MAGI2: variants seen among roughly 807,000 people sequenced by gnomAD.
MAGI2 encodes the protein membrane associated guanylate kinase, WW and PDZ domain containing 2, also known as membrane-associated guanylate kinase, WW and PDZ domain-containing protein 2.
In MAGI2, 35 loss-of-function variants were observed where a neutral mutation model predicts 133.3. The ratio of observed to expected loss-of-function variants is 0.26; its 90% CI spans 0.20 to 0.35. The LOEUF (loss-of-function observed/expected upper bound fraction) is 0.35. MAGI2 is among the 10% of genes least tolerant of loss of function. The pLI, the probability that MAGI2 is intolerant of heterozygous loss-of-function variation, is 1.00. For missense variants in MAGI2, 1,636 were observed against 1,863.4 expected (o/e 0.88, Z 2.25); for synonymous variants, 729 against 710.6 (o/e 1.03, Z -0.41).
intron 9 of MAGI2, among the ~76,000 whole-genome samples, chr7:78,332,685 G>A (rs1300474871): frequency 1.5e-5 from 2 of 131,320 alleles, no homozygotes; most frequent in African/African-American, 2.9e-5. Flanking sequence ...GTGACAGAGC[G>A]AGACTCCGTC....
chr7:78,609,774 G>A (rs952986707), intron 3 of MAGI2, among the ~76,000 whole-genome samples: 1 of 152,108 alleles, frequency 6.6e-6, no homozygotes, highest in East Asian at 1.9e-4. Flanking sequence ...TGGATCTCCT[G>A]TATTCCATGC....
At chr7:78,083,257 A>G (rs1243557236) in intron 20 of MAGI2, among the ~76,000 whole-genome samples, 3 of 151,164 alleles carry the variant, frequency 2.0e-5, no homozygotes, top group Non-Finnish European at 4.4e-5. Flanking sequence ...CAACTGAGCT[A>G]TGTTACTAAA....
intron 1 of MAGI2, among the ~76,000 whole-genome samples, chr7:79,169,570 C>A (rs1261766402): frequency 6.6e-6 from 1 of 152,078 alleles, no homozygotes; most frequent in Non-Finnish European, 1.5e-5. Context: ...GCCACCAGGG[C>A]AGGCTCAGCT....
At chr7:78,125,927 T>C in intron 19 of MAGI2, 90 bp from the exon 20 acceptor site, 2 of 1,262,106 alleles carry the variant, frequency 1.6e-6, no homozygotes, top group Non-Finnish European at 2.2e-6. Flanking sequence ...TTCTGTCTCT[T>C]AGTTAATGTA....
chr7:79,272,443 C>T (rs1309809566), intron 1 of MAGI2, among the ~76,000 whole-genome samples: 5 of 152,046 alleles, frequency 3.3e-5, no homozygotes, highest in Non-Finnish European at 5.9e-5. Flanking sequence ...ATTACTAGAA[C>T]GCTTAGCATA....
At chr7:78,434,312 A>G (rs1800073998) in intron 6 of MAGI2, among the ~76,000 whole-genome samples, 1 of 152,232 alleles carries the variant, frequency 6.6e-6, no homozygotes, top group Non-Finnish European at 1.5e-5. Flanking sequence ...GAGGAAAAAT[A>G]GAACCATATA....
At chr7:78,915,614 T>C (rs935202743) in intron 2 of MAGI2, among the ~76,000 whole-genome samples, 2 of 152,190 alleles carry the variant, frequency 1.3e-5, no homozygotes, top group African/African-American at 4.8e-5. Context: ...TATAATAATT[T>C]ACTCTCTAAA....
At chr7:79,280,780 C>T (rs1835575792) in intron 1 of MAGI2, among the ~76,000 whole-genome samples, 1 of 151,440 alleles carries the variant, frequency 6.6e-6, no homozygotes, top group South Asian at 2.1e-4. Context: ...ACAAACATAG[C>T]CAGGCATGGT....
rs145841722 is a variant in MAGI2 at position 78,410,132 on chromosome 7, ACAT to A, written c.1046-40922_1046-40920del. Among the ~76,000 whole-genome samples the A allele has an allele frequency of 2.6e-5, 4 of 152,166 alleles. No individual in the cohort carries two copies. The East Asian group carries it at 7.8e-4, about 30-fold the overall frequency. ...ATGGGTGCTTCCACTTTGTGCTCTC[ACAT>A]CATGTTGCTTCCACCATTTGAAAAC... On this transcript the variant is annotated intron_variant, in intron 6 of 21. Coordinates refer to ENST00000354212, the MANE Select transcript of MAGI2 (RefSeq NM_012301.4).
intron 1 of MAGI2, among the ~76,000 whole-genome samples, chr7:79,259,662 G>A (rs1833941996): frequency 6.6e-6 from 1 of 152,146 alleles, no homozygotes; most frequent in African/African-American, 2.4e-5. Flanking sequence ...TAAATTTGGG[G>A]AAGATGCTAA....
intron 3 of MAGI2, chr7:78,583,552 T>C (rs529744397): frequency 6.6e-6 from 1 of 151,988 alleles, no homozygotes; most frequent in Non-Finnish European, 1.5e-5. Context: ...ATATATGTTT[T>C]AGAAGTGAAT....
intron 10 of MAGI2, among the ~76,000 whole-genome samples, chr7:78,203,564 G>T (rs1039357430): frequency 1.3e-5 from 2 of 152,164 alleles, no homozygotes. Context: ...TACTGCTCAC[G>T]TGATGGCAGT....
chr7:78,290,931 A>G (rs1052866641), intron 9 of MAGI2, among the ~76,000 whole-genome samples: 2 of 152,242 alleles, frequency 1.3e-5, no homozygotes, highest in Non-Finnish European at 2.9e-5. Flanking sequence ...GGATACATTT[A>G]AAGCAGTGTG....
chr7:78,545,744 A>C (rs894513207), intron 3 of MAGI2, among the ~76,000 whole-genome samples: 1 of 152,216 alleles, frequency 6.6e-6, no homozygotes, highest in African/African-American at 2.4e-5. Context: ...TGTGTAGAAC[A>C]TATTGATATT....
intron 3 of MAGI2, among the ~76,000 whole-genome samples, chr7:78,522,422 A>G (rs1796582754): frequency 6.6e-6 from 1 of 152,218 alleles, no homozygotes; most frequent in Non-Finnish European, 1.5e-5. Flanking sequence ...TCTGTTGCCC[A>G]GGCTGGAGGG....
At chr7:78,337,255 G>A (rs2691546) in intron 9 of MAGI2, among the ~76,000 whole-genome samples, 102,297 of 152,050 alleles carry the variant, frequency 0.67, 35,288 homozygotes, top group African/African-American at 0.8. Context: ...TCTGGGCACT[G>A]TGATAATTCT....
intron 2 of MAGI2, among the ~76,000 whole-genome samples, chr7:78,852,541 TTGA>T: frequency 6.6e-6 from 1 of 152,152 alleles, no homozygotes; most frequent in Admixed American, 6.5e-5. Context: ...TCACCTGGAA[TTGA>T]TGTTTGCTGA....
chr7:78,751,651 C>T (rs1190724784), intron 2 of MAGI2, among the ~76,000 whole-genome samples: 2 of 152,192 alleles, frequency 1.3e-5, no homozygotes, highest in Non-Finnish European at 2.9e-5. Context: ...AAGGGAATTT[C>T]TGCTTTTGAT....
At chr7:78,418,670 T>A (rs1562967212) in intron 6 of MAGI2, among the ~76,000 whole-genome samples, 5 of 152,174 alleles carry the variant, frequency 3.3e-5, no homozygotes, top group Admixed American at 3.3e-4. Flanking sequence ...TAGATAGTGC[T>A]ATGAAAACCA....
Sources: allele counts gnomAD v4.1 joint callset (sites outside exome capture counted in the v4.1 genomes callset), GRCh38; gene constraint gnomAD v4.1.1; transcripts MANE v1.5; gene names NCBI Gene and HGNC (gene_info 2026-07-23, HGNC 2026-07-21).